The following LAIR1 variants were observed in gnomAD, a reference collection of about 807,000 sequenced individuals.
The protein encoded by LAIR1 is leukocyte-associated immunoglobulin-like receptor 1.
In LAIR1, 24 loss-of-function variants were observed where a neutral mutation model predicts 32.8. The observed-to-expected ratio is 0.73, with a 90% confidence interval of 0.53 to 1.03. The LOEUF (loss-of-function observed/expected upper bound fraction) is 1.03. Ranked by LOEUF, LAIR1 falls within the 50% of genes least tolerant of loss-of-function variation. The probability of loss-of-function intolerance (pLI) is 0.00; values close to 1 mark genes in which losing one functional copy is unlikely to be tolerated. For missense variants in LAIR1, 355 were observed against 347.5 expected (o/e 1.02, Z -0.17); for synonymous variants, 150 against 140.5 (o/e 1.07, Z -0.48).
intron 4 of LAIR1, among the ~76,000 whole-genome samples, chr19:54,358,900 G>C (rs1395606518): frequency 6.6e-6 from 1 of 152,038 alleles, no homozygotes; most frequent in Non-Finnish European, 1.5e-5. Flanking sequence ...GTCTGTCCTC[G>C]TGACCTTTAT....
rs756307025 is a variant in LAIR1 at position 54,355,354 on chromosome 19, T to G, written c.778A>C (p.Thr260Pro). 1.9e-6 allele frequency: 3 copies of G among 1,613,056 alleles called. No individual in the cohort carries two copies. The Admixed American group carries it at 5.0e-5, about 27-fold the overall frequency. The change falls in exon 10 of 10, where the codon ACA becomes CCA. Residue 260 changes from threonine (T) to proline (P), a missense_variant. Thr to Pro is a conservative substitution (Grantham distance 38, BLOSUM62 -1). Coordinates refer to ENST00000391742, the MANE Select transcript of LAIR1 (RefSeq NM_002287.6). The surrounding 1 kb of genome is among the most constrained non-coding windows in gnomAD (Gnocchi z 4.7). ...GACACAGCCCGGGCTGTCCTCTGTG[T>G]GAGGGCCCAGTGGTCCAGCTGAGCA... ...TYAQLDHWAL[T>P]QRTARAVSPQ...
At chr19:54,356,773 T>A (rs917747562) in intron 5 of LAIR1, 154 bp from the exon 6 acceptor site, 1 of 1,167,102 alleles carries the variant, frequency 8.6e-7, no homozygotes, top group Admixed American at 2.2e-5. Context: ...TATCCCCTTC[T>A]TCCACCACCG....
chr19:54,368,273 G>A (rs955265110), upstream of LAIR1: 6 of 152,114 alleles, frequency 3.9e-5, no homozygotes, highest in African/African-American at 7.2e-5. Flanking sequence ...GATTCCAAAA[G>A]CTTCCACCTC....
rs60307943 is a variant in LAIR1 at position 54,359,277 on chromosome 19, C to G, written c.415+745G>C. ...AATGGCTTATGACCCCGTGTCCTCC[C>G]CTGGGAGTTTCTGGTCACAGATCAC... On this transcript the variant is annotated intron_variant, in intron 4 of 9. Coordinates refer to ENST00000391742, the MANE Select transcript of LAIR1 (RefSeq NM_002287.6). 7.9e-3 allele frequency among the ~76,000 whole-genome samples: 1,200 copies of G among 152,022 alleles called. 29 individuals carry two copies. The highest frequency in any genetic ancestry group is 0.027 in the African/African-American group (1,111 of 41,276).
chr19:54,370,264 A>G lies in LAIR1; in HGVS notation c.14T>C (p.Met5Thr), dbSNP rs368081353. ...GTGGTGTGGTAGCAGGGACTCACCC[A>G]TTTCTCTTTCCATCTTCTGTCGCGG... Residue 5 changes from methionine to threonine, a missense_variant and splice_region_variant, in exon 1 of 9, where the codon ATG (methionine) becomes ACG (threonine). Physicochemically the swap from Met to Thr is moderately conservative, Grantham distance 81 (BLOSUM62 -1). Coordinates refer to the LAIR1 transcript ENST00000391743. The G allele has an allele frequency of 6.8e-4, 1,042 of 1,538,764 alleles. 22 individuals are homozygous for G. The South Asian group carries it at 9.8e-3, about 14-fold the overall frequency.
chr19:54,365,516 C>T (rs890608474), upstream of LAIR1, among the ~76,000 whole-genome samples: 4 of 152,282 alleles, frequency 2.6e-5, no homozygotes, highest in African/African-American at 7.2e-5. Context: ...ACAGGCCAGG[C>T]GCAGTGGCTC....
intron 2 of LAIR1, among the ~76,000 whole-genome samples, chr19:54,363,458 CAT>C (rs757868979): frequency 1.3e-5 from 2 of 152,082 alleles, no homozygotes; most frequent in Non-Finnish European, 2.9e-5. Flanking sequence ...TTTGAATTCT[CAT>C]TGTGGAAATC....
In LAIR1 at chr19:54,353,203, G is replaced by A. The variant is rs935948185; in HGVS notation, c.*2065C>T. ...AGAGAGAGAGACAGAGAGACACACA[G>A]TGAGAGAGAAAGACAGAAAGAGAGA... On this transcript the variant is annotated 3_prime_UTR_variant, in exon 10 of 10. Transcript: ENST00000391742. The A allele has an allele frequency of 1.3e-5, 2 of 151,820 alleles. No homozygotes were observed. Among genetic ancestry groups the A allele is most frequent in the East Asian group, 1.9e-4 (1 of 5,190 alleles). 9.4% of individuals were successfully genotyped at this position (151,820 alleles called of 1,614,324 possible).
upstream of LAIR1, among the ~76,000 whole-genome samples, chr19:54,366,960 A>G (rs545228436): frequency 6.6e-6 from 1 of 152,324 alleles, no homozygotes; most frequent in African/African-American, 2.4e-5. Context: ...GTAGAAAAGA[A>G]AAGTCCGTTT....
upstream of LAIR1, among the ~76,000 whole-genome samples, chr19:54,367,068 A>G (rs975100853): frequency 7.2e-5 from 11 of 152,178 alleles, no homozygotes; most frequent in Non-Finnish European, 1.3e-4. Flanking sequence ...CATCTCATCT[A>G]CCCCATAAAT....
upstream of LAIR1, among the ~76,000 whole-genome samples, chr19:54,371,425 A>G (rs1301011221): frequency 5.3e-5 from 8 of 151,074 alleles, no homozygotes; most frequent in African/African-American, 2.0e-4. Flanking sequence ...CAGCCTTCTG[A>G]GTAGCTGGGA....
chr19:54,375,400 C>G (rs2082482716), upstream of LAIR1, among the ~76,000 whole-genome samples: 1 of 152,196 alleles, frequency 6.6e-6, no homozygotes, highest in Non-Finnish European at 1.5e-5. Context: ...GAGACTCAGT[C>G]CCAACCGTCT....
In LAIR1 at chr19:54,355,822, G is replaced by C. The variant is rs775377236; in HGVS notation, c.717+132C>G. The stretch of plus-strand genomic sequence containing the variant: ...TGCACACAGCCCTGGGCGACCTCTC[G>C]ACAGCAACCTCAGGACAGGCCGTGA... On this transcript the variant is annotated intron_variant, in intron 9 of 9. Coordinates refer to ENST00000391742, the MANE Select transcript of LAIR1 (RefSeq NM_002287.6). This position sits in a 1 kb window ranked among gnomAD's most constrained non-coding sequence, Gnocchi z 4.7. 43 of 689,538 alleles carry C rather than the reference G, an allele frequency of 6.2e-5. 1 individual carries two copies. The highest frequency in any genetic ancestry group is 1.0e-4 in the Non-Finnish European group (39 of 384,504). The allele number at this position is 689,538 out of a possible 1,614,324, so 42.7% of individuals were successfully genotyped here.
chr19:54,356,088 G>T (rs1031087271), intron 8 of LAIR1, 82 bp from the exon 9 acceptor site: 5 of 1,306,116 alleles, frequency 3.8e-6, no homozygotes, highest in Non-Finnish European at 5.6e-6. Flanking sequence ...CCCAGCTTCC[G>T]ATGACATCCT....
rs780344935 is a variant in LAIR1 at position 54,364,852 on chromosome 19, G to A, written c.-48C>T. 1 of 1,614,000 alleles carries A rather than the reference G, an allele frequency of 6.2e-7. No homozygotes were observed. Among genetic ancestry groups the A allele is most frequent in the Non-Finnish European group, 8.5e-7 (1 of 1,179,916 alleles). Reference sequence around the variant, plus strand: ...CCTGGCCTGAGGCGCACCAATGCAAGGACAGAACTCTGCAGCAGACACAAG... The same window carrying A: ...CCTGGCCTGAGGCGCACCAATGCAAAGACAGAACTCTGCAGCAGACACAAG... On this transcript the variant is annotated 5_prime_UTR_variant, in exon 1 of 10. Transcript: ENST00000391742. The surrounding 1 kb of genome is among the most constrained non-coding windows in gnomAD (Gnocchi z 4.8).
chr19:54,357,205 C>A (rs969229192), intron 4 of LAIR1: 3 of 552,958 alleles, frequency 5.4e-6, no homozygotes, highest in Admixed American at 6.4e-5. Flanking sequence ...AGTTGAATGG[C>A]ATGAGAAGCT....
intron 2 of LAIR1, among the ~76,000 whole-genome samples, chr19:54,362,114 G>T (rs1335522228): frequency 1.3e-5 from 2 of 151,942 alleles, no homozygotes; most frequent in African/African-American, 4.8e-5. Flanking sequence ...CTGTGGAATC[G>T]CTGAATCAAG....
At chr19:54,365,040 G>T (rs540083943), upstream of LAIR1, 2 of 1,408,984 alleles carry the variant, frequency 1.4e-6, no homozygotes, top group African/African-American at 2.9e-5. Context: ...CCTAAATGTC[G>T]CTTAGAGGCA....
At chr19:54,374,451 C>A (rs1312157799), upstream of LAIR1, among the ~76,000 whole-genome samples, 1 of 152,104 alleles carries the variant, frequency 6.6e-6, no homozygotes, top group Non-Finnish European at 1.5e-5. Flanking sequence ...CCACACGGCC[C>A]ACTCCGTTTC....
Sources: allele counts gnomAD v4.1 joint callset (sites outside exome capture counted in the v4.1 genomes callset), GRCh38; gene constraint gnomAD v4.1.1; non-coding constraint Gnocchi (gnomAD v3.1); transcripts MANE v1.5; gene names NCBI Gene and HGNC (gene_info 2026-07-23, HGNC 2026-07-21).